Variants in ACBD6 observed in about 807,000 individuals in gnomAD.
ACBD6 encodes acyl-CoA binding domain containing 6, also known as acyl-CoA-binding domain-containing protein 6.
In ACBD6, 28 loss-of-function variants were observed where a neutral mutation model predicts 37.2. The ratio of observed to expected loss-of-function variants is 0.75; its 90% CI spans 0.56 to 1.03. ACBD6 has a LOEUF of 1.03. Among genes scored for constraint, ACBD6 ranks in the 50% least tolerant of loss-of-function variants. The pLI, the probability that ACBD6 is intolerant of heterozygous loss-of-function variation, is 0.00. For synonymous variants in ACBD6, 113 were observed against 126.8 expected (o/e 0.89, Z 0.73); for missense variants, 340 against 337.4 (o/e 1.01, Z -0.06).
intron 6 of ACBD6, among the ~76,000 whole-genome samples, chr1:180,374,650 T>C (rs371321393): frequency 6.6e-5 from 10 of 152,282 alleles, no homozygotes; most frequent in African/African-American, 2.4e-4. Context: ...CTTAACACAT[T>C]AGCCCAGACT....
intron 3 of ACBD6, among the ~76,000 whole-genome samples, chr1:180,430,848 CAA>C (rs1648785614): frequency 1.3e-5 from 2 of 152,058 alleles, no homozygotes; most frequent in African/African-American, 4.8e-5. Flanking sequence ...TCTATGTTCT[CAA>C]AACACACAAG....
At chr1:180,342,543 A>C (rs1652020771) in intron 6 of ACBD6, among the ~76,000 whole-genome samples, 1 of 152,106 alleles carries the variant, frequency 6.6e-6, no homozygotes, top group African/African-American at 2.4e-5. Context: ...ATGACTCACT[A>C]ATATAAAGTC....
chr1:180,440,969 G>A (rs1382071776), intron 3 of ACBD6, among the ~76,000 whole-genome samples: 2 of 152,098 alleles, frequency 1.3e-5, no homozygotes, highest in Admixed American at 1.3e-4. Context: ...GGACATTTGG[G>A]TTGTTTGCAC....
intron 4 of ACBD6, among the ~76,000 whole-genome samples, chr1:180,426,005 A>G (rs1216951540): frequency 6.6e-6 from 1 of 152,256 alleles, no homozygotes; most frequent in Admixed American, 6.5e-5. Flanking sequence ...TGGAAACTTT[A>G]TAAGTCAATG....
intron 3 of ACBD6, among the ~76,000 whole-genome samples, chr1:180,486,615 G>T (rs1170889213): frequency 1.3e-5 from 2 of 152,152 alleles, no homozygotes; most frequent in African/African-American, 2.4e-5. Context: ...CAAAATTATG[G>T]AGTTAAAAAA....
intron 6 of ACBD6, among the ~76,000 whole-genome samples, chr1:180,385,303 T>C (rs1041646529): frequency 2.7e-5 from 4 of 150,368 alleles, no homozygotes; most frequent in South Asian, 2.1e-4. Context: ...AGAAAACAAA[T>C]AGCAAGCTGG....
intron 6 of ACBD6, among the ~76,000 whole-genome samples, chr1:180,378,852 G>A (rs1478021436): frequency 6.6e-6 from 1 of 152,088 alleles, no homozygotes; most frequent in Middle Eastern, 3.2e-3. Flanking sequence ...CACCACCAGT[G>A]GGGACCCTCT....
intron 7 of ACBD6, among the ~76,000 whole-genome samples, chr1:180,292,754 T>C (rs960135740): frequency 6.6e-6 from 1 of 152,222 alleles, no homozygotes; most frequent in Non-Finnish European, 1.5e-5. Context: ...CTAGAACTTT[T>C]AATACAATGT....
intron 6 of ACBD6, among the ~76,000 whole-genome samples, chr1:180,372,966 T>C (rs1284266614): frequency 1.3e-5 from 2 of 152,152 alleles, no homozygotes; most frequent in Non-Finnish European, 2.9e-5. Flanking sequence ...GACCGGGACT[T>C]TGACCTCAAT....
intron 3 of ACBD6, among the ~76,000 whole-genome samples, chr1:180,438,150 T>C (rs1649128549): frequency 6.6e-6 from 1 of 152,180 alleles, no homozygotes; most frequent in African/African-American, 2.4e-5. Flanking sequence ...GGTTACGCAC[T>C]CCTTATGAGA....
chr1:180,418,827 T>C (rs1648209150), intron 4 of ACBD6, among the ~76,000 whole-genome samples: 1 of 152,346 alleles, frequency 6.6e-6, no homozygotes, highest in Middle Eastern at 3.4e-3. Context: ...TAGTACCTCC[T>C]TTCTGAAAAA....
intron 7 of ACBD6, among the ~76,000 whole-genome samples, chr1:180,295,931 T>C (rs56005059): frequency 0.051 from 7,741 of 152,196 alleles, 639 homozygotes; most frequent in African/African-American, 0.17. Flanking sequence ...ACATCTCTTA[T>C]TTTCAATCAA....
At position 180,502,061 on chromosome 1, in the gene ACBD6, TA is replaced by T; in HGVS notation, c.205del (p.Tyr69MetfsTer49). The T allele has an allele frequency of 6.2e-7, 1 of 1,613,756 alleles. No homozygotes were observed. Among genetic ancestry groups the T allele is most frequent in the Non-Finnish European group, 8.5e-7 (1 of 1,179,866 alleles). Reference sequence around the variant, plus strand: ...CTACTTTACCTGTTTGTACCTGGCATACAGGTACAAGAGCTGCTCCCTGCTG... The same window carrying T: ...CTACTTTACCTGTTTGTACCTGGCATCAGGTACAAGAGCTGCTCCCTGCTG... Reference protein sequence around the residue: ...VASREQLLYLYARYKQVKVGN... With the variant: ...VASREQLLYLXARYKQVKVGN... On this transcript the variant is annotated frameshift_variant, in exon 1 of 8. Coordinates refer to ENST00000367595, the MANE Select transcript of ACBD6 (RefSeq NM_032360.4). LOFTEE classifies it high-confidence loss of function.
intron 6 of ACBD6, among the ~76,000 whole-genome samples, chr1:180,328,208 G>T (rs1651329077): frequency 6.6e-6 from 1 of 150,528 alleles, no homozygotes; most frequent in Non-Finnish European, 1.5e-5. Context: ...CATATTCCTA[G>T]ATTAAGATAC....
intron 6 of ACBD6, among the ~76,000 whole-genome samples, chr1:180,322,931 C>T (rs981421709): frequency 6.6e-6 from 1 of 150,974 alleles, no homozygotes; most frequent in South Asian, 2.1e-4. Context: ...TTTACTCTTG[C>T]TTTTCTGGTT....
intron 6 of ACBD6, 104 bp from the exon 7 acceptor site, chr1:180,314,826 G>A (rs1057317139): frequency 5.8e-6 from 5 of 859,256 alleles, no homozygotes; most frequent in Non-Finnish European, 7.7e-6. Context: ...AGTTCCATAG[G>A]TTTATCAGAC....
rs1484643086 is a variant in ACBD6 at position 180,454,764 on chromosome 1, A to G, written c.385-24502T>C. 3.3e-5 allele frequency among the ~76,000 whole-genome samples: 5 copies of G among 152,232 alleles called. No homozygotes were observed. The East Asian group carries it at 9.6e-4, about 29-fold the overall frequency. On this transcript the variant is annotated intron_variant, in intron 3 of 7. Coordinates refer to ENST00000367595, the MANE Select transcript of ACBD6 (RefSeq NM_032360.4). ...CATTTACGCAGCCAACAAACATATG[A>G]AAAAAAGCTCATCATCACTGGTCAT...
intron 5 of ACBD6, among the ~76,000 whole-genome samples, chr1:180,410,769 T>C (rs1204757685): frequency 6.6e-6 from 1 of 152,240 alleles, no homozygotes; most frequent in African/African-American, 2.4e-5. Context: ...TGTTTTCTTG[T>C]TTGCTAACAC....
At chr1:180,274,662 C>G (rs557484323) in exon 10 of ACBD6, 1 of 1,412,312 alleles carries the variant, frequency 7.1e-7, no homozygotes, top group East Asian at 2.3e-5. Flanking sequence ...TTTTAAGGAT[C>G]GAAAGTACGC....
Sources: gnomAD v4.1 joint callset for allele counts (sites outside exome capture counted in the v4.1 genomes callset) on GRCh38, gnomAD v4.1.1 for gene constraint, MANE v1.5 for transcripts, NCBI Gene and HGNC (gene_info 2026-07-23, HGNC 2026-07-21) for gene names.